NXF3: variants seen among roughly 807,000 people sequenced by gnomAD.
NXF3 encodes TAP-like protein 3.
Under a neutral mutation model 48.4 loss-of-function variants are expected in NXF3, and 34 were observed. The observed-to-expected ratio is 0.70, with a 90% confidence interval of 0.53 to 0.93. The LOEUF (loss-of-function observed/expected upper bound fraction) is 0.93. Among genes scored for constraint, NXF3 ranks in the 40% least tolerant of loss-of-function variants. The probability of loss-of-function intolerance (pLI) is 0.00; values close to 1 mark genes in which losing one functional copy is unlikely to be tolerated. For synonymous variants in NXF3, 132 were observed against 145.7 expected, an observed-to-expected ratio of 0.91 and a Z score of 0.68; for missense variants, 359 against 406.1, an observed-to-expected ratio of 0.88 and a Z score of 1.00.
rs2147594906 is a variant in NXF3, at chrX:103,084,492, A to T, written c.201T>A (p.Thr67=). The change falls in exon 3 of 20, where the codon ACT becomes ACA. Residue 67 remains threonine (T), a synonymous_variant. Transcript: ENST00000395065. The part of the protein sequence containing the change: ...GAHMDSPVRY[T]PYTISPYNRK... ...GATTATAGGGTGAAATAGTATAGGGAGTGCTGTGAGCAAGTGGAGAAAAGG... is the reference window on the plus strand; with the variant it reads ...GATTATAGGGTGAAATAGTATAGGGTGTGCTGTGAGCAAGTGGAGAAAAGG... The T allele has an allele frequency of 1.7e-6, 2 of 1,211,344 alleles. No homozygotes were observed. The highest frequency in any genetic ancestry group is 5.9e-5 in the East Asian group (2 of 33,836).
In NXF3 at chrX:103,082,807, T is replaced by G. The variant is rs1922048259; in HGVS notation, c.733A>C (p.Lys245Gln). The G allele has an allele frequency of 1.7e-6, 2 of 1,208,701 alleles. No homozygotes were observed. The highest frequency in any genetic ancestry group is 3.5e-5 in the African/African-American group (2 of 57,056). The change falls in exon 8 of 20, where the codon AAG becomes CAG. Residue 245 changes from lysine to glutamine, a missense_variant. Lys to Gln is a moderately conservative substitution (Grantham distance 53). Coordinates refer to ENST00000395065, the MANE Select transcript of NXF3 (RefSeq NM_022052.2). ...ACGTCCAGGGAGGCAGCCATGCACT[T>G]TCTAGGATTCGATGCCATCTTAGTA... Reference protein sequence around the residue: ...RDTKMASNPRKCMAASLDVHE... With the variant: ...RDTKMASNPRQCMAASLDVHE...
intron 1 of NXF3, among the ~76,000 whole-genome samples, chrX:103,092,703 C>T (rs1371035540): frequency 8.9e-6 from 1 of 112,578 alleles, no homozygotes; most frequent in African/African-American, 3.2e-5. Flanking sequence ...TACAATCTAC[C>T]TTGAATGGTT....
Position 103,082,960 on chromosome X carries a change from C to T in NXF3, c.691+44G>A, listed in dbSNP as rs763624767. 6 of 1,163,260 alleles carry T rather than the reference C, an allele frequency of 5.2e-6. No homozygotes were observed. The South Asian group carries it at 7.2e-5, about 14-fold the overall frequency. On this transcript the variant is annotated intron_variant, in intron 7 of 19. Transcript: ENST00000395065. ...ACCGTAAGTCTCCATCTCACACAGACACCTCTGCCCTCATCTACCATAGAA... is the reference window on the plus strand; with the variant it reads ...ACCGTAAGTCTCCATCTCACACAGATACCTCTGCCCTCATCTACCATAGAA...
intron 1 of NXF3, among the ~76,000 whole-genome samples, chrX:103,086,734 T>C (rs1280683005): frequency 9.1e-6 from 1 of 109,490 alleles, no homozygotes; most frequent in Non-Finnish European, 1.9e-5. Flanking sequence ...TACAGAATAT[T>C]TGAAAATAAG....
Position 103,084,878 on chromosome X carries a change from T to C in NXF3, c.34A>G (p.Thr12Ala). 1 of 1,208,943 alleles carries C rather than the reference T, an allele frequency of 8.3e-7. No homozygotes were observed. The change falls in exon 2 of 20, where the codon ACT becomes GCT. Residue 12 changes from threonine to alanine, a missense_variant. Coordinates refer to ENST00000395065, the MANE Select transcript of NXF3 (RefSeq NM_022052.2). ...SLPSGHTTGH[T>A]DQVVQRRARC... is the part of the protein sequence containing the mutation. ...GCTCTTCTTTGAACAACTTGATCAGTGTGACCTTAAATTAAGAACAGCACA... is the reference window on the plus strand; with the variant it reads ...GCTCTTCTTTGAACAACTTGATCAGCGTGACCTTAAATTAAGAACAGCACA...
At chrX:103,086,343 A>G (rs1206438886) in intron 1 of NXF3, among the ~76,000 whole-genome samples, 4 of 110,871 alleles carry the variant, frequency 3.6e-5, no homozygotes, top group African/African-American at 1.3e-4. Flanking sequence ...CCCGGGAAGC[A>G]GAGCTTGTAG....
At chrX:103,085,606 A>C (rs1238068566) in intron 1 of NXF3, among the ~76,000 whole-genome samples, 1 of 112,052 alleles carries the variant, frequency 8.9e-6, no homozygotes, top group Non-Finnish European at 1.9e-5. Context: ...AGAATTTAAA[A>C]AGATGTGGTA....
chrX:103,086,535 T>A (rs1922160001), intron 1 of NXF3, among the ~76,000 whole-genome samples: 1 of 107,187 alleles, frequency 9.3e-6, no homozygotes, highest in African/African-American at 3.4e-5. Context: ...AAAGGAGAGG[T>A]GTGGAAAAAG....
chrX:103,078,039 G>C (rs1383998093), intron 17 of NXF3, among the ~76,000 whole-genome samples: 1 of 112,168 alleles, frequency 8.9e-6, no homozygotes, highest in Non-Finnish European at 1.9e-5. Context: ...CAGTTTCAAA[G>C]GAAGATTCTG....
chrX:103,088,660 T>G lies in NXF3; in HGVS notation c.29-3777A>C. 4.3e-6 allele frequency: 4 copies of G among 928,959 alleles called. No homozygotes were observed. The South Asian group carries it at 9.2e-5, about 21-fold the overall frequency. The allele number at this position is 928,959 out of a possible 1,213,427, so 76.6% of individuals were successfully genotyped here. A position where few individuals can be genotyped will look rare whatever the true frequency, so the allele number is the denominator to read the frequency against. ...ACAAATGTGAGAAGGTATTTCCTTC[T>G]GTATCCAAACTAAAAAGACACTATT... is the stretch of plus-strand genomic sequence containing the variant. On this transcript the variant is annotated intron_variant, in intron 1 of 19. Transcript: ENST00000395065.
chrX:103,075,910 C>T lies in NXF3; in HGVS notation c.*140G>A. 4.7e-6 allele frequency: 1 copy of T among 212,965 alleles called. No homozygotes were observed. Among genetic ancestry groups the T allele is most frequent in the Non-Finnish European group, 8.6e-6 (1 of 116,514 alleles). 17.6% of individuals were successfully genotyped at this position (212,965 alleles called of 1,213,427 possible). ...TGGACAAGTGCACAGAACAACTGGC[C>T]CCTTTGGAAGGATGAGAGTCAGCCC... is the stretch of plus-strand genomic sequence containing the variant. On this transcript the variant is annotated 3_prime_UTR_variant, in exon 20 of 20. Coordinates refer to ENST00000395065, the MANE Select transcript of NXF3 (RefSeq NM_022052.2).
At chrX:103,082,657 C>A in intron 8 of NXF3, 103 bp downstream of exon 8, 1 of 678,863 alleles carries the variant, frequency 1.5e-6, no homozygotes, top group Non-Finnish European at 2.3e-6. Context: ...GAATTAAGAA[C>A]TAAGAGTGAA....
chrX:103,077,643 G>T lies in NXF3; in HGVS notation c.1555C>A (p.Pro519Thr), dbSNP rs1379443052. 1 of 1,209,278 alleles carries T rather than the reference G, an allele frequency of 8.3e-7. No individual in the cohort carries two copies. Among genetic ancestry groups the T allele is most frequent in the Non-Finnish European group, 1.1e-6 (1 of 894,906 alleles). ...LVPTAFSSSV[P>T]AFSQEQQKML... ...TTCTGCTGCTCCTGGGAGAAGGCAG[G>T]CACGGAGCTGGAGAAGGCTGTGGGC... is the stretch of plus-strand genomic sequence containing the variant. Residue 519 changes from proline to threonine, a missense_variant, in exon 18 of 20, where the codon CCT becomes ACT. Coordinates refer to ENST00000395065, the MANE Select transcript of NXF3 (RefSeq NM_022052.2).
Position 103,079,464 on chromosome X carries a change from C to T in NXF3, c.1230G>A (p.Gly410=), listed in dbSNP as rs57379816. The change falls in exon 15 of 20, where the codon GGG becomes GGA. Residue 410 remains glycine (G), a synonymous_variant. Transcript: ENST00000395065. Reference sequence around the variant, plus strand: ...CAAGTTTTGTGTGCTTCAGCAGCTCCCCCCGAAGGTCTGTAGAGGAGAAGA... The same window carrying T: ...CAAGTTTTGTGTGCTTCAGCAGCTCTCCCCGAAGGTCTGTAGAGGAGAAGA... The part of the protein sequence containing the change: ...IKILKDPYLR[G]ELLKHTKLDI... 6.6e-3 allele frequency: 7,957 copies of T among 1,207,400 alleles called. 324 individuals carry two copies. In the African/African-American group the frequency reaches 0.12, roughly 18 times the overall value.
At chrX:103,089,263 T>C (rs1269248894) in intron 1 of NXF3, 27 of 508,994 alleles carry the variant, frequency 5.3e-5, no homozygotes, top group Non-Finnish European at 8.9e-5. Context: ...CTGGTTGCCT[T>C]GGATTCGGTT....
Position 103,082,276 on chromosome X carries a change from G to C in NXF3, c.869C>G (p.Ser290Trp). The C allele has an allele frequency of 1.7e-6, 2 of 1,205,646 alleles. No individual in the cohort carries two copies. The highest frequency in any genetic ancestry group is 2.2e-6 in the Non-Finnish European group (2 of 890,223). ...TGACTTTATGTTGCTGGAGGTATCC[G>C]AGAAGGTCGTGCACACTGGGCTTCT... is the stretch of plus-strand genomic sequence containing the variant. ...ADRSPVCTTF[S>W]DTSSNINSIL... The change falls in exon 9 of 20, where the codon TCG (serine) becomes TGG (tryptophan). Residue 290 changes from serine (S) to tryptophan (W), a missense_variant. Ser to Trp is a radical substitution (Grantham distance 177, BLOSUM62 -3). Coordinates refer to ENST00000395065, the MANE Select transcript of NXF3 (RefSeq NM_022052.2).
In NXF3 at chrX:103,077,646, C is replaced by T. The variant is rs201112869; in HGVS notation, c.1552G>A (p.Val518Met). ...TGCTGCTCCTGGGAGAAGGCAGGCA[C>T]GGAGCTGGAGAAGGCTGTGGGCACT... ...TLVPTAFSSS[V>M]PAFSQEQQKM... The change falls in exon 18 of 20, where the codon GTG becomes ATG. Residue 518 changes from valine (V) to methionine (M), a missense_variant. By Grantham distance (21) the Val-to-Met change is conservative (BLOSUM62 1). Transcript: ENST00000395065. 2.2e-5 allele frequency: 27 copies of T among 1,209,269 alleles called. No homozygotes were observed. The South Asian group carries it at 3.0e-4, about 13-fold the overall frequency.
chrX:103,091,439 A>C (rs766358923), intron 1 of NXF3, among the ~76,000 whole-genome samples: 1 of 111,919 alleles, frequency 8.9e-6, no homozygotes, highest in Non-Finnish European at 1.9e-5. Flanking sequence ...CTGTTATTTA[A>C]ATAGCATTTA....
At chrX:103,082,495 C>G in intron 8 of NXF3, 131 bp from the exon 9 acceptor site, 1 of 490,296 alleles carries the variant, frequency 2.0e-6, no homozygotes, top group South Asian at 3.2e-5. Context: ...CCCTCCTCCC[C>G]CTTTTTCTTC....
Sources: allele counts gnomAD v4.1 joint callset (sites outside exome capture counted in the v4.1 genomes callset), GRCh38; gene constraint gnomAD v4.1.1; transcripts MANE v1.5; gene names NCBI Gene and HGNC (gene_info 2026-07-23, HGNC 2026-07-21).